Variants in CFAP20DC observed in about 807,000 individuals in gnomAD.
The protein encoded by CFAP20DC is CFAP20 domain containing.
In CFAP20DC, 84 loss-of-function variants were observed where a neutral mutation model predicts 101.7. That is an observed-to-expected ratio of 0.83 (90% CI 0.69 to 0.99). The LOEUF is 0.99. Among genes scored for constraint, CFAP20DC ranks in the 50% least tolerant of loss-of-function variants. The pLI, the probability that CFAP20DC is intolerant of heterozygous loss-of-function variation, is 0.00. For missense variants in CFAP20DC, 1,007 were observed against 970.3 expected (o/e 1.04, Z -0.50); for synonymous variants, 359 against 351.2 (o/e 1.02, Z -0.25).
At chr3:58,986,669 G>A (rs759400722) in intron 4 of CFAP20DC, among the ~76,000 whole-genome samples, 1 of 152,150 alleles carries the variant, frequency 6.6e-6, no homozygotes, top group Non-Finnish European at 1.5e-5. Flanking sequence ...AACTACCCTT[G>A]TGAGGGAATC....
chr3:58,993,895 A>C (rs2093023345), intron 4 of CFAP20DC, among the ~76,000 whole-genome samples: 1 of 152,178 alleles, frequency 6.6e-6, no homozygotes, highest in Non-Finnish European at 1.5e-5. Flanking sequence ...ATGAGCATAC[A>C]TGTGCAAATA....
chr3:58,929,754 A>T (rs983878285), intron 5 of CFAP20DC, among the ~76,000 whole-genome samples: 1 of 152,234 alleles, frequency 6.6e-6, no homozygotes, highest in Non-Finnish European at 1.5e-5. Context: ...GCCTACTGAA[A>T]GAAATGGTCA....
Position 58,894,953 on chromosome 3 carries a change from C to T in CFAP20DC, c.551-10244G>A, listed in dbSNP as rs1207398685. Among the ~76,000 whole-genome samples, 1 of 152,232 alleles carries T rather than the reference C, an allele frequency of 6.6e-6. No homozygotes were observed. The highest frequency in any genetic ancestry group is 1.5e-5 in the Non-Finnish European group (1 of 68,046). On this transcript the variant is annotated intron_variant, in intron 6 of 16. Coordinates refer to ENST00000482387, the MANE Select transcript of CFAP20DC (RefSeq NM_001394063.1). This position sits in a 1 kb window ranked among gnomAD's most constrained non-coding sequence, Gnocchi z 4.1. ...GGGCTTGCACCCTCTGAAGCCATGGCCTAAGCTCTATGTTGGCCCCTTGTA... is the reference window on the plus strand; with the variant it reads ...GGGCTTGCACCCTCTGAAGCCATGGTCTAAGCTCTATGTTGGCCCCTTGTA...
intron 15 of CFAP20DC, among the ~76,000 whole-genome samples, chr3:58,771,001 C>G (rs2070788929): frequency 6.6e-6 from 1 of 151,870 alleles, no homozygotes; most frequent in Non-Finnish European, 1.5e-5. Context: ...GGAACCAACC[C>G]AAATGTCCAA....
At chr3:58,809,045 G>C (rs1283483353) in intron 14 of CFAP20DC, among the ~76,000 whole-genome samples, 3 of 151,930 alleles carry the variant, frequency 2.0e-5, no homozygotes, top group Non-Finnish European at 1.5e-5. Context: ...CCCAATACAG[G>C]AGCACCCAGA....
chr3:59,022,688 T>C (rs1369464533), intron 4 of CFAP20DC, among the ~76,000 whole-genome samples: 1 of 152,116 alleles, frequency 6.6e-6, no homozygotes, highest in East Asian at 1.9e-4. Context: ...ATTACTGTCA[T>C]TGTTTGAAAT....
intron 5 of CFAP20DC, among the ~76,000 whole-genome samples, chr3:58,931,709 G>C (rs1419598584): frequency 1.3e-5 from 2 of 152,210 alleles, no homozygotes; most frequent in African/African-American, 4.8e-5. Flanking sequence ...CTGCAGCTGA[G>C]GCTCCTGTCT....
At chr3:58,934,467 C>T (rs546535730) in intron 5 of CFAP20DC, among the ~76,000 whole-genome samples, 2 of 151,778 alleles carry the variant, frequency 1.3e-5, no homozygotes, top group Admixed American at 1.3e-4. Context: ...GAGACACAAC[C>T]AAAAAAGAGA....
At chr3:58,983,519 C>A (rs2092653560) in intron 4 of CFAP20DC, among the ~76,000 whole-genome samples, 1 of 151,972 alleles carries the variant, frequency 6.6e-6, no homozygotes, top group African/African-American at 2.4e-5. Context: ...ATTTACACAA[C>A]AAAATCAGAG....
At chr3:58,933,987 GT>G (rs1198185147) in intron 5 of CFAP20DC, among the ~76,000 whole-genome samples, 1 of 152,052 alleles carries the variant, frequency 6.6e-6, no homozygotes, top group East Asian at 1.9e-4. Flanking sequence ...CCAGGAGCTG[GT>G]TTTTTGAAAG....
chr3:58,753,969 T>C, intron 15 of CFAP20DC, 106 bp from the exon 16 acceptor site: 1 of 687,636 alleles, frequency 1.5e-6, no homozygotes, highest in Non-Finnish European at 2.5e-6. Flanking sequence ...AAACACTTTT[T>C]TTCCTCCTTC....
In CFAP20DC at chr3:58,914,502, T is replaced by C. The variant is rs981034689; in HGVS notation, c.394-638A>G. On this transcript the variant is annotated intron_variant, in intron 5 of 16. Transcript: ENST00000482387. The surrounding 1 kb of genome is among the most constrained non-coding windows in gnomAD (Gnocchi z 4.9). The stretch of plus-strand genomic sequence containing the variant: ...GAATTTTCTGAATGGTTAAAGAAAA[T>C]GAAAAAAAATCATTTGGCAAGAAAC... 3.3e-5 allele frequency among the ~76,000 whole-genome samples: 5 copies of C among 151,576 alleles called. No homozygotes were observed. The highest frequency in any genetic ancestry group is 1.2e-4 in the African/African-American group (5 of 41,320).
chr3:58,961,360 C>T (rs1460718268), intron 4 of CFAP20DC, among the ~76,000 whole-genome samples: 2 of 152,068 alleles, frequency 1.3e-5, no homozygotes, highest in Non-Finnish European at 2.9e-5. Flanking sequence ...TTGAGACAAG[C>T]CTGGCCAACA....
chr3:58,948,956 T>A (rs190555059), intron 4 of CFAP20DC, among the ~76,000 whole-genome samples: 1 of 152,350 alleles, frequency 6.6e-6, no homozygotes, highest in African/African-American at 2.4e-5. Flanking sequence ...AATTATTGCC[T>A]CAATTTCAGA....
intron 4 of CFAP20DC, among the ~76,000 whole-genome samples, chr3:59,019,966 T>A (rs1471766046): frequency 6.6e-6 from 1 of 152,004 alleles, no homozygotes; most frequent in Non-Finnish European, 1.5e-5. Context: ...ACAGATTGAA[T>A]TAGAGGCAGA....
intron 4 of CFAP20DC, among the ~76,000 whole-genome samples, chr3:58,967,238 C>G (rs2091622829): frequency 6.6e-6 from 1 of 152,072 alleles, no homozygotes; most frequent in Admixed American, 6.6e-5. Context: ...TGAGTTCTAA[C>G]AAGGGCACCA....
rs79115200 is a variant in CFAP20DC at position 59,014,907 on chromosome 3, T to C, written c.278+24650A>G. 1.6e-3 allele frequency among the ~76,000 whole-genome samples: 250 copies of C among 152,238 alleles called. No individual in the cohort carries two copies. Among genetic ancestry groups the C allele is most frequent in the African/African-American group, 5.8e-3 (242 of 41,548 alleles). ...CATTCAGTGATGTCAGATTGGTAGC[T>C]TGAAAGCAGCCATGGTGGGAATATT... On this transcript the variant is annotated intron_variant, in intron 4 of 16. Coordinates refer to ENST00000482387, the MANE Select transcript of CFAP20DC (RefSeq NM_001394063.1). This position sits in a 1 kb window ranked among gnomAD's most constrained non-coding sequence, Gnocchi z 4.9.
Position 59,014,377 on chromosome 3 carries a change from A to G in CFAP20DC, c.278+25180T>C, listed in dbSNP as rs1253999976. 3.3e-5 allele frequency among the ~76,000 whole-genome samples: 5 copies of G among 152,228 alleles called. No homozygotes were observed. Among genetic ancestry groups the G allele is most frequent in the Non-Finnish European group, 5.9e-5 (4 of 68,026 alleles). ...CAGAGATGATGTAGAATGCAAATAA[A>G]AAAGATAAGGTGACTGGATAATGTT... On this transcript the variant is annotated intron_variant, in intron 4 of 16. Transcript: ENST00000482387. The surrounding 1 kb of genome is among the most constrained non-coding windows in gnomAD (Gnocchi z 4.9).
intron 12 of CFAP20DC, among the ~76,000 whole-genome samples, chr3:58,853,903 C>A (rs1293015083): frequency 6.6e-6 from 1 of 151,436 alleles, no homozygotes; most frequent in Non-Finnish European, 1.5e-5. Flanking sequence ...AAACTGGAAG[C>A]ATTCCCTTTG....
Sources: allele counts gnomAD v4.1 joint callset (sites outside exome capture counted in the v4.1 genomes callset), GRCh38; gene constraint gnomAD v4.1.1; non-coding constraint Gnocchi (gnomAD v3.1); transcripts MANE v1.5; gene names NCBI Gene and HGNC (gene_info 2026-07-23, HGNC 2026-07-21).